The following CACNA1A variants were observed in gnomAD, a reference collection of about 807,000 sequenced individuals.
CACNA1A encodes calcium voltage-gated channel subunit alpha1 A.
Under a neutral mutation model 262.4 loss-of-function variants are expected in CACNA1A, and 57 were observed. That is an observed-to-expected ratio of 0.22 (90% CI 0.18 to 0.27). CACNA1A has a LOEUF of 0.27. Ranked by LOEUF, CACNA1A falls within the 10% of genes least tolerant of loss-of-function variation. The pLI is 1.00. For missense variants in CACNA1A, 2,526 were observed against 3,562.8 expected (o/e 0.71, Z 7.41); for synonymous variants, 1,431 against 1,419.3 (o/e 1.01, Z -0.18).
At position 13,227,522 on chromosome 19, in the gene CACNA1A, C is replaced by A; in HGVS notation, c.5534G>T (p.Arg1845Leu). Residue 1845 changes from arginine to leucine, a missense_variant, in exon 37 of 47, where the codon CGC becomes CTC. Around this residue, in one of 17 missense-constraint regions of CACNA1A, gnomAD observed 112 missense variants for 197.2 expected, o/e 0.57. Transcript: ENST00000360228. ...CTGATACATGTCCAGGTAAGGCATG[C>A]GGCCCCTGGCAGCACCGAAAATGAA... ...WAEYDPAAWG[R>L]MPYLDMYQML... is the part of the protein sequence containing the mutation. 6.4e-7 allele frequency: 1 copy of A among 1,551,250 alleles called. No homozygotes were observed.
rs1360501854 is a variant in CACNA1A, at chr19:13,212,913, C to T, written c.5941-173G>A. On this transcript the variant is annotated intron_variant, in intron 40 of 46. Coordinates refer to ENST00000360228, the MANE Select transcript of CACNA1A (RefSeq NM_001127222.2). The surrounding 1 kb of genome is among the most constrained non-coding windows in gnomAD (Gnocchi z 5.6). ...CGCAGAACTGGACCACTTCTCACTC[C>T]TCCACCCAAGTCATAGCCCCAGCCT... Among the ~76,000 whole-genome samples, 1 of 152,060 alleles carries T rather than the reference C, an allele frequency of 6.6e-6. No homozygotes were observed. The highest frequency in any genetic ancestry group is 1.5e-5 in the Non-Finnish European group (1 of 68,014).
In CACNA1A at chr19:13,299,320, C is replaced by T. The variant is rs778630808; in HGVS notation, c.2313G>A (p.Lys771=). The T allele has an allele frequency of 3.7e-6, 6 of 1,600,572 alleles. No homozygotes were observed. The South Asian group carries it at 6.6e-5, about 18-fold the overall frequency. ...CACTGGTCCGCTGCTCCCACACGGA[C>T]TTGGCTGGCTTTTGATTCTTCTGTT... is the stretch of plus-strand genomic sequence containing the variant. The part of the protein sequence containing the change: ...KEQQKNQKPA[K]SVWEQRTSEM... The change falls in exon 19 of 47, where the codon AAG becomes AAA. Residue 771 remains lysine (K), a synonymous_variant. Coordinates refer to ENST00000360228, the MANE Select transcript of CACNA1A (RefSeq NM_001127222.2).
At chr19:13,497,033 A>C (rs1276574486) in intron 1 of CACNA1A, among the ~76,000 whole-genome samples, 2 of 152,144 alleles carry the variant, frequency 1.3e-5, no homozygotes. Flanking sequence ...TTTGAACCCC[A>C]GCCACCTAGC....
At chr19:13,490,856 A>AGT (rs1491474967) in intron 1 of CACNA1A, among the ~76,000 whole-genome samples, 1 of 141,718 alleles carries the variant, frequency 7.1e-6, no homozygotes, top group Non-Finnish European at 1.5e-5. Context: ...AAGGAGGGAA[A>AGT]GAGAAAGGAA....
At chr19:13,365,538 C>A in intron 4 of CACNA1A, 69 bp from the exon 5 acceptor site, 1 of 1,416,644 alleles carries the variant, frequency 7.1e-7, no homozygotes, top group South Asian at 1.2e-5. Flanking sequence ...CACCAAGACG[C>A]CCAGGTCTCT....
chr19:13,209,148 A>AG (rs535914868), intron 45 of CACNA1A, 139 bp from the exon 46 acceptor site: 6 of 1,353,896 alleles, frequency 4.4e-6, no homozygotes, highest in African/African-American at 1.4e-5. Flanking sequence ...GGTTGGGGGG[A>AG]GGGGGTAGTA....
chr19:13,459,804 G>C (rs2061084554), intron 1 of CACNA1A, among the ~76,000 whole-genome samples: 1 of 152,138 alleles, frequency 6.6e-6, no homozygotes, highest in South Asian at 2.1e-4. Flanking sequence ...CTTTGGACCG[G>C]CTCTGGCACT....
At chr19:13,464,969 C>T (rs1489493102) in intron 1 of CACNA1A, among the ~76,000 whole-genome samples, 2 of 152,064 alleles carry the variant, frequency 1.3e-5, no homozygotes, top group Non-Finnish European at 2.9e-5. Flanking sequence ...TGCTCTGCCA[C>T]CCAGGCTGGA....
At chr19:13,302,332 C>A (rs920201435) in intron 17 of CACNA1A, among the ~76,000 whole-genome samples, 1 of 152,180 alleles carries the variant, frequency 6.6e-6, no homozygotes, top group South Asian at 2.1e-4. Flanking sequence ...CCCTGCTCCA[C>A]GGAGGCAGGG....
At position 13,212,565 on chromosome 19, in the gene CACNA1A, C is replaced by T; in HGVS notation, c.6051-43G>A. ...GCCGGGGTAGCAGTGGGCGCTTGGG[C>T]AGCTTCCAGAACGTGGGGACCACGG... On this transcript the variant is annotated intron_variant, in intron 41 of 46. Coordinates refer to ENST00000360228, the MANE Select transcript of CACNA1A (RefSeq NM_001127222.2). The surrounding 1 kb of genome is among the most constrained non-coding windows in gnomAD (Gnocchi z 5.6). 1 of 1,526,084 alleles carries T rather than the reference C, an allele frequency of 6.6e-7. No homozygotes were observed. Among genetic ancestry groups the T allele is most frequent in the Non-Finnish European group, 8.8e-7 (1 of 1,130,662 alleles). The allele number at this position is 1,526,084 out of a possible 1,614,324, so 94.5% of individuals were successfully genotyped here. A position where few individuals can be genotyped will look rare whatever the true frequency, so the allele number is the denominator to read the frequency against.
At chr19:13,285,554 A>G (rs977585451) in intron 20 of CACNA1A, among the ~76,000 whole-genome samples, 4 of 151,530 alleles carry the variant, frequency 2.6e-5, no homozygotes, top group Admixed American at 2.6e-4. Context: ...CCCTCATGGG[A>G]TATTAACACA....
chr19:13,375,158 AC>A (rs1390504677), intron 3 of CACNA1A, among the ~76,000 whole-genome samples: 3 of 152,136 alleles, frequency 2.0e-5, no homozygotes, highest in African/African-American at 7.2e-5. Flanking sequence ...TCAAACTTTT[AC>A]ATAATTATTA....
intron 31 of CACNA1A, chr19:13,244,580 G>A (rs1420416113): frequency 6.6e-6 from 1 of 152,320 alleles, no homozygotes; most frequent in African/African-American, 2.4e-5. Context: ...GGACCTCTGG[G>A]GCCCTGAGTC....
intron 10 of CACNA1A, among the ~76,000 whole-genome samples, chr19:13,328,667 T>G (rs1201466441): frequency 6.6e-6 from 1 of 152,090 alleles, no homozygotes; most frequent in African/African-American, 2.4e-5. Flanking sequence ...TGCACAGCAG[T>G]GTTCTTCGTA....
intron 11 of CACNA1A, chr19:13,316,442 G>C (rs537466231): frequency 1.3e-5 from 2 of 152,020 alleles, no homozygotes; most frequent in South Asian, 4.1e-4. Flanking sequence ...CTTGTACCTT[G>C]AGGGAGCAAA....
At chr19:13,457,925 C>T (rs2061045239) in intron 1 of CACNA1A, among the ~76,000 whole-genome samples, 1 of 151,544 alleles carries the variant, frequency 6.6e-6, no homozygotes. Flanking sequence ...AAACATTATG[C>T]CAAGCGAAAG....
intron 3 of CACNA1A, among the ~76,000 whole-genome samples, chr19:13,377,573 G>A (rs573968536): frequency 1.4e-3 from 217 of 151,190 alleles, no homozygotes; most frequent in Non-Finnish European, 2.7e-3. Context: ...ATATTGACCA[G>A]GCTGGTCTTG....
At chr19:13,430,017 G>A (rs1280257808) in intron 3 of CACNA1A, among the ~76,000 whole-genome samples, 5 of 135,510 alleles carry the variant, frequency 3.7e-5, no homozygotes, top group African/African-American at 8.4e-5. Flanking sequence ...AGGGGGAGTC[G>A]GGGAGAGGGG....
rs752824390 is a variant in CACNA1A at position 13,298,868 on chromosome 19, C to A, written c.2765G>T (p.Arg922Leu). The A allele has an allele frequency of 7.5e-6, 12 of 1,591,598 alleles. No individual in the cohort carries two copies. In the African/African-American group the frequency reaches 1.1e-4, roughly 14 times the overall value. The change falls in exon 19 of 47, where the codon CGA becomes CTA. Residue 922 changes from arginine (R) to leucine (L), a missense_variant. Transcript: ENST00000360228. ...QPGFWEGEAE[R>L]GKAGDPHRRH... ...CCGGTGGGGGTCCCCGGCCTTGCCT[C>A]GCTCGGCCTCGCCCTCCCAGAACCC...
Sources: allele counts gnomAD v4.1 joint callset (sites outside exome capture counted in the v4.1 genomes callset), GRCh38; gene constraint gnomAD v4.1.1; regional missense constraint gnomAD v4.1.1; non-coding constraint Gnocchi (gnomAD v3.1); transcripts MANE v1.5; gene names NCBI Gene and HGNC (gene_info 2026-07-23, HGNC 2026-07-21).